RBFOX1: variants seen among roughly 807,000 people sequenced by gnomAD.
The protein encoded by RBFOX1 is RNA binding fox-1 homolog 1.
A neutral mutation model predicts 57.7 loss-of-function variants in RBFOX1; 8 were observed. The observed-to-expected ratio is 0.14, with a 90% CI of 0.08 to 0.25. The LOEUF is 0.25. Ranked by LOEUF, RBFOX1 falls within the 10% of genes least tolerant of loss-of-function variation. RBFOX1 has a pLI of 1.00. For synonymous variants in RBFOX1, 326 were observed against 222.4 expected (o/e 1.47, Z -4.15); for missense variants, 611 against 548.5 (o/e 1.11, Z -1.14).
At chr16:5,850,794 A>G (rs926761090) in intron 3 of RBFOX1, among the ~76,000 whole-genome samples, 1 of 152,190 alleles carries the variant, frequency 6.6e-6, no homozygotes, top group Non-Finnish European at 1.5e-5. Flanking sequence ...TTCACTTGCC[A>G]TCTCGAAAGG....
At chr16:6,909,811 T>C (rs995709584) in intron 3 of RBFOX1, among the ~76,000 whole-genome samples, 2 of 152,176 alleles carry the variant, frequency 1.3e-5, no homozygotes, top group African/African-American at 4.8e-5. Flanking sequence ...CGGTCTTCTG[T>C]TGATCTAAAG....
chr16:6,589,456 C>T (rs556851673), intron 2 of RBFOX1, among the ~76,000 whole-genome samples: 87 of 152,282 alleles, frequency 5.7e-4, no homozygotes, highest in African/African-American at 2.0e-3. Flanking sequence ...GGAGATGAGT[C>T]ACTTCCTCGG....
intron 2 of RBFOX1, among the ~76,000 whole-genome samples, chr16:6,338,264 A>T (rs1442981760): frequency 6.6e-6 from 1 of 152,174 alleles, no homozygotes; most frequent in East Asian, 1.9e-4. Context: ...CTTTTGATCC[A>T]TAATTATAAG....
At chr16:6,496,639 C>G (rs1486378643) in intron 2 of RBFOX1, among the ~76,000 whole-genome samples, 1 of 152,248 alleles carries the variant, frequency 6.6e-6, no homozygotes, top group South Asian at 2.1e-4. Context: ...CACCAATGCT[C>G]TTGGGGAAAC....
intron 3 of RBFOX1, among the ~76,000 whole-genome samples, chr16:6,901,239 A>T (rs2068409704): frequency 6.6e-6 from 1 of 152,176 alleles, no homozygotes. Flanking sequence ...ATCAGACTTC[A>T]TTCCAGTGAG....
At position 7,373,257 on chromosome 16, in the gene RBFOX1, A is replaced by T. The variant is rs1568478010; in HGVS notation, c.28-144890A>T. ...TGAAATTGCATTACTTTTAATTCTA[A>T]AACAACAATTAGTTTTGCACCAACC... On this transcript the variant is annotated intron_variant, in intron 4 of 15. Transcript: ENST00000550418. Among the ~76,000 whole-genome samples, 2 of 152,122 alleles carry T rather than the reference A, an allele frequency of 1.3e-5. 1 individual carries two copies. The highest frequency in any genetic ancestry group is 3.9e-4 in the East Asian group (2 of 5,152).
chr16:7,260,166 A>G (rs1464881928), intron 4 of RBFOX1, among the ~76,000 whole-genome samples: 2 of 152,240 alleles, frequency 1.3e-5, no homozygotes, highest in Non-Finnish European at 2.9e-5. Flanking sequence ...TACAGAAATC[A>G]AACCAAGACT....
rs552834426 is a variant in RBFOX1, at chr16:6,106,904, C to T, written c.-127+86912C>T. On this transcript the variant is annotated intron_variant, in intron 1 of 15. Transcript: ENST00000550418. ...GCCAGGATGGTCTCAATCTCCTGAC[C>T]TCGTGATCTGCCCTCCTTGGCCTCC... Among the ~76,000 whole-genome samples the T allele has an allele frequency of 1.1e-4, 17 of 152,230 alleles. No homozygotes were observed. The East Asian group carries it at 1.7e-3, about 16-fold the overall frequency.
At chr16:7,219,657 A>G (rs1401713962) in intron 4 of RBFOX1, among the ~76,000 whole-genome samples, 1 of 152,216 alleles carries the variant, frequency 6.6e-6, no homozygotes, top group Non-Finnish European at 1.5e-5. Context: ...AACTCGGAGT[A>G]AAACTGGCTC....
chr16:5,561,624 A>G (rs533470792), intron 2 of RBFOX1, among the ~76,000 whole-genome samples: 1 of 152,268 alleles, frequency 6.6e-6, no homozygotes, highest in Non-Finnish European at 1.5e-5. Context: ...ATCCTGTTTT[A>G]ATACTAGACC....
chr16:7,265,893 G>A (rs1201362491), intron 4 of RBFOX1, among the ~76,000 whole-genome samples: 1 of 151,584 alleles, frequency 6.6e-6, no homozygotes, highest in Non-Finnish European at 1.5e-5. Flanking sequence ...TTTAGATCAT[G>A]GGAATGGGTT....
rs575410888 is a variant in RBFOX1, at chr16:6,411,939, C to G, written c.-64+94882C>G. Among the ~76,000 whole-genome samples the G allele has an allele frequency of 2.0e-5, 3 of 152,130 alleles. No homozygotes were observed. The East Asian group carries it at 5.8e-4, about 29-fold the overall frequency. On this transcript the variant is annotated intron_variant, in intron 2 of 15. Coordinates refer to ENST00000550418, the MANE Select transcript of RBFOX1 (RefSeq NM_018723.4). Reference sequence around the variant, plus strand: ...ACGAGGTCAGGAGTTTGAGACAAGCCTGGCCAACACAGTGAAACCCTGTCT... The same window carrying G: ...ACGAGGTCAGGAGTTTGAGACAAGCGTGGCCAACACAGTGAAACCCTGTCT...
intron 3 of RBFOX1, among the ~76,000 whole-genome samples, chr16:6,845,632 T>G (rs1241338193): frequency 6.6e-6 from 1 of 151,692 alleles, no homozygotes; most frequent in East Asian, 1.9e-4. Context: ...ACACTATCAC[T>G]TACGACCCTT....
chr16:5,882,214 G>T (rs780938614), intron 4 of RBFOX1, among the ~76,000 whole-genome samples: 1 of 152,078 alleles, frequency 6.6e-6, no homozygotes, highest in African/African-American at 2.4e-5. Flanking sequence ...TTTGTTTACC[G>T]TTCCTCGTAG....
intron 14 of RBFOX1, among the ~76,000 whole-genome samples, chr16:7,708,156 T>C (rs1301741863): frequency 6.6e-6 from 1 of 152,036 alleles, no homozygotes; most frequent in Admixed American, 6.5e-5. Context: ...CTGAGTAACA[T>C]AGCAAGACTT....
intron 4 of RBFOX1, among the ~76,000 whole-genome samples, chr16:5,903,689 G>C (rs2058368083): frequency 6.6e-6 from 1 of 152,058 alleles, no homozygotes; most frequent in East Asian, 1.9e-4. Context: ...ATTTATGCTT[G>C]GCCTTAGATA....
chr16:6,958,071 C>G (rs755713547), intron 3 of RBFOX1, among the ~76,000 whole-genome samples: 6 of 151,902 alleles, frequency 3.9e-5, no homozygotes, highest in Non-Finnish European at 5.9e-5. Context: ...GAGACTAGCT[C>G]TCATGGATGT....
chr16:7,323,459 C>G (rs1262949788), intron 4 of RBFOX1, among the ~76,000 whole-genome samples: 1 of 152,120 alleles, frequency 6.6e-6, no homozygotes, highest in Non-Finnish European at 1.5e-5. Flanking sequence ...AAAACCCAGG[C>G]CACCATTTCT....
intron 2 of RBFOX1, among the ~76,000 whole-genome samples, chr16:5,477,954 C>T (rs918720836): frequency 1.3e-5 from 2 of 152,162 alleles, no homozygotes; most frequent in African/African-American, 4.8e-5. Context: ...CCTTGGTTCT[C>T]ATTACGCATC....
Sources: gnomAD v4.1 joint callset for allele counts (sites outside exome capture counted in the v4.1 genomes callset) on GRCh38, gnomAD v4.1.1 for gene constraint, MANE v1.5 for transcripts, NCBI Gene and HGNC (gene_info 2026-07-23, HGNC 2026-07-21) for gene names.